Variants in MARCHF4 observed in about 807,000 individuals in gnomAD.
The protein encoded by MARCHF4 is membrane associated ring-CH-type finger 4, also known as E3 ubiquitin-protein ligase MARCHF4.
Under a neutral mutation model 43.9 loss-of-function variants are expected in MARCHF4, and 14 were observed. The observed-to-expected ratio is 0.32, with a 90% confidence interval of 0.21 to 0.50. The LOEUF is 0.50. Ranked by LOEUF, MARCHF4 falls within the 20% of genes least tolerant of loss-of-function variation. The pLI, the probability that MARCHF4 is intolerant of heterozygous loss-of-function variation, is 0.98. For missense variants in MARCHF4, 468 were observed against 536.7 expected (o/e 0.87, Z 1.27); for synonymous variants, 226 against 213.3 (o/e 1.06, Z -0.52).
chr2:216,341,231 T>G (rs1692231131), intron 1 of MARCHF4, among the ~76,000 whole-genome samples: 1 of 152,234 alleles, frequency 6.6e-6, no homozygotes, highest in South Asian at 2.1e-4. Context: ...CTGTTCTGTT[T>G]GTTTCCATTG....
At chr2:216,296,503 C>T (rs779200072) in intron 1 of MARCHF4, among the ~76,000 whole-genome samples, 6 of 152,340 alleles carry the variant, frequency 3.9e-5, no homozygotes, top group Non-Finnish European at 8.8e-5. Context: ...CATCTCCTCT[C>T]CTTACTTCCT....
In MARCHF4 at chr2:216,259,228, T is replaced by C; in HGVS notation, c.*84A>G. 1 of 1,488,630 alleles carries C rather than the reference T, an allele frequency of 6.7e-7. No individual in the cohort carries two copies. The allele number at this position is 1,488,630 out of a possible 1,614,324, so 92.2% of individuals were successfully genotyped here. On this transcript the variant is annotated 3_prime_UTR_variant, in exon 4 of 4. Transcript: ENST00000273067. ...CCCCACCCTCTGCCTGCTCCCTCTG[T>C]TGGCTCTGGGGGTGCCACTGCACCT...
chr2:216,263,519 G>GAA lies in MARCHF4; in HGVS notation c.866-3841_866-3840insTT, dbSNP rs1361888615. Among the ~76,000 whole-genome samples the GAA allele has an allele frequency of 2.0e-4, 29 of 143,524 alleles. No homozygotes were observed. The South Asian group carries it at 4.3e-3, about 21-fold the overall frequency. The allele number at this position is 143,524 out of a possible 152,430, so 94.2% of individuals were successfully genotyped here. ...AGAGAGAGAGAGAGAGAGAGAGAGAGAGAGAGAGAGAGAGAGAGAAAGAGA... is the reference window on the plus strand; with the variant it reads ...AGAGAGAGAGAGAGAGAGAGAGAGAGAAAGAGAGAGAGAGAGAGAGAAAGAGA... On this transcript the variant is annotated intron_variant, in intron 3 of 3. Coordinates refer to ENST00000273067, the MANE Select transcript of MARCHF4 (RefSeq NM_020814.3).
chr2:216,344,220 C>T (rs1490653074), intron 1 of MARCHF4, among the ~76,000 whole-genome samples: 1 of 151,040 alleles, frequency 6.6e-6, no homozygotes. Context: ...AACTTTTTAA[C>T]TCATCCACAG....
At chr2:216,288,638 G>C (rs1201047429) in intron 1 of MARCHF4, among the ~76,000 whole-genome samples, 1 of 152,068 alleles carries the variant, frequency 6.6e-6, no homozygotes, top group Non-Finnish European at 1.5e-5. Context: ...CCAAACAGAA[G>C]AAGAGTGCAG....
chr2:216,346,044 A>G (rs1264492143), intron 1 of MARCHF4, among the ~76,000 whole-genome samples: 1 of 152,208 alleles, frequency 6.6e-6, no homozygotes, highest in African/African-American at 2.4e-5. Flanking sequence ...GACACTCAGT[A>G]TTTGAGTGTT....
intron 3 of MARCHF4, among the ~76,000 whole-genome samples, chr2:216,273,543 A>T (rs1690973118): frequency 6.6e-6 from 1 of 152,156 alleles, no homozygotes; most frequent in South Asian, 2.1e-4. Flanking sequence ...TCTTGAGAAG[A>T]TGCCCCTCTG....
intron 3 of MARCHF4, among the ~76,000 whole-genome samples, chr2:216,275,301 GAGA>G (rs1574460705): frequency 6.6e-6 from 1 of 152,182 alleles, no homozygotes; most frequent in African/African-American, 2.4e-5. Context: ...GAAACACCAT[GAGA>G]AGAAGAGACC....
At chr2:216,337,088 G>C (rs1431762510) in intron 1 of MARCHF4, among the ~76,000 whole-genome samples, 1 of 151,514 alleles carries the variant, frequency 6.6e-6, no homozygotes, top group Non-Finnish European at 1.5e-5. Context: ...GGAGACGGAG[G>C]TTGCAGTGAG....
chr2:216,349,597 T>C (rs1352788313), intron 1 of MARCHF4, among the ~76,000 whole-genome samples: 3 of 152,032 alleles, frequency 2.0e-5, no homozygotes, highest in Non-Finnish European at 4.4e-5. Context: ...GAAGGTGACA[T>C]GTGACAGGCT....
intron 1 of MARCHF4, among the ~76,000 whole-genome samples, chr2:216,294,080 C>T (rs1034700273): frequency 3.3e-5 from 5 of 152,202 alleles, no homozygotes; most frequent in African/African-American, 1.2e-4. Context: ...CTTGCATGAC[C>T]AGAATTGCGC....
At position 216,304,741 on chromosome 2, in the gene MARCHF4, GT is replaced by G. The variant is rs928344562; in HGVS notation, c.517-21013del. 3.9e-4 allele frequency among the ~76,000 whole-genome samples: 59 copies of G among 152,206 alleles called. 1 individual carries two copies. The highest frequency in any genetic ancestry group is 1.4e-3 in the African/African-American group (58 of 41,532). On this transcript the variant is annotated intron_variant, in intron 1 of 3. Coordinates refer to ENST00000273067, the MANE Select transcript of MARCHF4 (RefSeq NM_020814.3). ...GGCTGAGGTGGGCGGATCACCTGAGGTCCGGAGTTTGAGACCAGCCTGGCTA... is the reference window on the plus strand; with the variant it reads ...GGCTGAGGTGGGCGGATCACCTGAGGCCGGAGTTTGAGACCAGCCTGGCTA...
intron 3 of MARCHF4, among the ~76,000 whole-genome samples, chr2:216,272,136 G>A (rs1690948595): frequency 6.6e-6 from 1 of 152,020 alleles, no homozygotes; most frequent in Non-Finnish European, 1.5e-5. Flanking sequence ...TTACAGGTAT[G>A]AGCTACTGTG....
At chr2:216,268,848 A>T (rs1690888571) in intron 3 of MARCHF4, among the ~76,000 whole-genome samples, 1 of 152,180 alleles carries the variant, frequency 6.6e-6, no homozygotes, top group Non-Finnish European at 1.5e-5. Context: ...TGGCATATGT[A>T]TGTTTTGTAG....
intron 1 of MARCHF4, among the ~76,000 whole-genome samples, chr2:216,289,493 T>C (rs7568042): frequency 0.093 from 14,186 of 152,166 alleles, 899 homozygotes; most frequent in African/African-American, 0.18. Flanking sequence ...TGAGGAGAAA[T>C]TGTTTCCCTC....
At chr2:216,352,112 G>A (rs985151012) in intron 1 of MARCHF4, among the ~76,000 whole-genome samples, 8 of 152,312 alleles carry the variant, frequency 5.3e-5, no homozygotes, top group East Asian at 3.9e-4. Flanking sequence ...AAAGAGATCC[G>A]ATTTGCCAAC....
At chr2:216,320,901 G>A (rs547314613) in intron 1 of MARCHF4, among the ~76,000 whole-genome samples, 3 of 142,934 alleles carry the variant, frequency 2.1e-5, no homozygotes, top group Admixed American at 7.3e-5. Flanking sequence ...GTCTGGTCTC[G>A]AACTCCTGAC....
At chr2:216,306,841 C>CT (rs143894436) in intron 1 of MARCHF4, among the ~76,000 whole-genome samples, 7,379 of 152,000 alleles carry the variant, frequency 0.049, 316 homozygotes, top group South Asian at 0.18. Flanking sequence ...TTAAAATCTC[C>CT]TTTTTTTTCC....
intron 1 of MARCHF4, among the ~76,000 whole-genome samples, chr2:216,310,716 T>A (rs1376457951): frequency 1.3e-5 from 2 of 152,222 alleles, no homozygotes; most frequent in African/African-American, 4.8e-5. Context: ...TCCTGCCATG[T>A]ATTCCAGCTA....
Sources: gnomAD v4.1 joint callset for allele counts (sites outside exome capture counted in the v4.1 genomes callset) on GRCh38, gnomAD v4.1.1 for gene constraint, MANE v1.5 for transcripts, NCBI Gene and HGNC (gene_info 2026-07-23, HGNC 2026-07-21) for gene names.